Variants in UGT2B15 observed in about 807,000 individuals in gnomAD.
UGT2B15 encodes UDP glucuronosyltransferase family 2 member B15.
UGT2B15 carries 36 observed loss-of-function variants against 45.9 expected under a neutral mutation model. The ratio of observed to expected loss-of-function variants is 0.78; its 90% CI spans 0.60 to 1.04. The LOEUF (loss-of-function observed/expected upper bound fraction) is 1.04, where lower values mean the gene tolerates loss of function less well. Ranked by LOEUF, UGT2B15 falls within the 50% of genes least tolerant of loss-of-function variation. UGT2B15 has a pLI of 0.00. For synonymous variants in UGT2B15, 219 were observed against 216.4 expected (o/e 1.01, Z -0.11); for missense variants, 617 against 622.4 (o/e 0.99, Z 0.09).
rs769491202 is a variant in UGT2B15 at position 68,663,124 on chromosome 4, C to A, written c.889G>T (p.Val297Leu). Reference sequence around the variant, plus strand: ...ATACCATTTTCTCCAGAGCTCTGCACAAACTCTTCCATTTCCTGTGAAGAA... The same window carrying A: ...ATACCATTTTCTCCAGAGCTCTGCAAAAACTCTTCCATTTCCTGTGAAGAA... The part of the protein sequence containing the change: ...KPLPKEMEEF[V>L]QSSGENGIVV... Residue 297 changes from valine (V) to leucine (L), a missense_variant, in exon 3 of 6, where the codon GTG (valine) becomes TTG (leucine). Val to Leu is a conservative substitution (Grantham distance 32, BLOSUM62 1). Transcript: ENST00000338206. 5 of 1,573,796 alleles carry A rather than the reference C, an allele frequency of 3.2e-6. No homozygotes were observed. The highest frequency in any genetic ancestry group is 1.2e-5 in the South Asian group (1 of 86,542).
chr4:68,667,436 A>G (rs1733173463), intron 2 of UGT2B15, among the ~76,000 whole-genome samples: 1 of 152,028 alleles, frequency 6.6e-6, no homozygotes, highest in African/African-American at 2.4e-5. Flanking sequence ...TCTGCCTCCC[A>G]AAGTGCAGGG....
rs574134360 is a variant in UGT2B15 at position 68,658,592 on chromosome 4, T to G, written c.1006-3410A>C. ...TGTAATTTTTTAATAAATAAGACAT[T>G]GATATTGGTTTAATGAAAATAGCCA... On this transcript the variant is annotated intron_variant, in intron 3 of 5. Transcript: ENST00000338206. 2.5e-4 allele frequency among the ~76,000 whole-genome samples: 38 copies of G among 152,152 alleles called. No individual in the cohort carries two copies. In the South Asian group the frequency reaches 2.7e-3, roughly 11 times the overall value.
intron 5 of UGT2B15, among the ~76,000 whole-genome samples, chr4:68,653,723 TATC>T (rs1439596443): frequency 2.0e-5 from 3 of 152,030 alleles, no homozygotes; most frequent in African/African-American, 2.4e-5. Flanking sequence ...TGAATTGAAA[TATC>T]ATATTTCTCT....
chr4:68,670,276 CTTG>C lies in UGT2B15; in HGVS notation c.340_342del (p.Gln114del). 6.2e-7 allele frequency: 1 copy of C among 1,614,030 alleles called. No homozygotes were observed. The highest frequency in any genetic ancestry group is 8.5e-7 in the Non-Finnish European group (1 of 1,179,986). On this transcript the variant is annotated inframe_deletion, in exon 1 of 6. Transcript: ENST00000338206. ...TAGTCATAATATTCCCAACACAATT[CTTG>C]TAATTGTGAAAAATATGACCAAAAT...
intron 5 of UGT2B15, among the ~76,000 whole-genome samples, 196 bp from the exon 6 acceptor site, chr4:68,647,579 A>C (rs1464707048): frequency 6.6e-6 from 1 of 152,122 alleles, no homozygotes; most frequent in African/African-American, 2.4e-5. Flanking sequence ...ATCACTGACA[A>C]ATACCTTTAA....
chr4:68,659,888 T>C (rs1426306904), intron 3 of UGT2B15, among the ~76,000 whole-genome samples: 1 of 151,694 alleles, frequency 6.6e-6, no homozygotes, highest in Non-Finnish European at 1.5e-5. Context: ...ACTAAAGTAA[T>C]CTTTTAGACT....
intron 2 of UGT2B15, among the ~76,000 whole-genome samples, chr4:68,665,609 G>C (rs4148261): frequency 0.089 from 13,579 of 152,144 alleles, 812 homozygotes; most frequent in East Asian, 0.27. Context: ...TTTTTGGCAA[G>C]AGTCTTATTC....
At chr4:68,648,059 G>A (rs559591663) in intron 5 of UGT2B15, among the ~76,000 whole-genome samples, 1 of 152,004 alleles carries the variant, frequency 6.6e-6, no homozygotes, top group Admixed American at 6.6e-5. Flanking sequence ...TGACACAACT[G>A]GTGAAATGCC....
chr4:68,665,227 T>A (rs1459194348), intron 2 of UGT2B15, among the ~76,000 whole-genome samples: 1 of 152,202 alleles, frequency 6.6e-6, no homozygotes, highest in Non-Finnish European at 1.5e-5. Flanking sequence ...ATTCTATTTA[T>A]ATAACTCAAT....
chr4:68,655,022 G>A, intron 4 of UGT2B15, 73 bp downstream of exon 4: 1 of 1,502,534 alleles, frequency 6.7e-7, no homozygotes, highest in South Asian at 1.2e-5. Flanking sequence ...AAATATGTTT[G>A]TTTTATGTTG....
At chr4:68,658,325 C>G (rs1732869916) in intron 3 of UGT2B15, among the ~76,000 whole-genome samples, 2 of 151,872 alleles carry the variant, frequency 1.3e-5, no homozygotes, top group Non-Finnish European at 2.9e-5. Flanking sequence ...AAAGACTAGT[C>G]AAATGCTTTT....
intron 4 of UGT2B15, 47 bp from the exon 5 acceptor site, chr4:68,654,303 G>T (rs2109823734): frequency 6.3e-7 from 1 of 1,588,362 alleles, no homozygotes; most frequent in African/African-American, 1.3e-5. Flanking sequence ...CAAGGTATGA[G>T]AATTGAATAA....
In UGT2B15 at chr4:68,647,113, T is replaced by C. The variant is rs765074066; in HGVS notation, c.1584A>G (p.Lys528=). ...CAGGCTTTTGATATAACTAATCTCTTTTCTTCTTCTTTCCTTTTTTGGCAA... is the reference window on the plus strand; with the variant it reads ...CAGGCTTTTGATATAACTAATCTCTCTTCTTCTTCTTTCCTTTTTTGGCAA... ...RKLAKKGKKK[K]RD Residue 528 remains lysine, a synonymous_variant, in exon 6 of 6, where the codon AAA becomes AAG. Coordinates refer to ENST00000338206, the MANE Select transcript of UGT2B15 (RefSeq NM_001076.4). 1 of 1,613,192 alleles carries C rather than the reference T, an allele frequency of 6.2e-7. No homozygotes were observed. The highest frequency in any genetic ancestry group is 8.5e-7 in the Non-Finnish European group (1 of 1,179,402).
At chr4:68,655,365 T>C (rs1732774214) in intron 3 of UGT2B15, among the ~76,000 whole-genome samples, 183 bp from the exon 4 acceptor site, 1 of 152,142 alleles carries the variant, frequency 6.6e-6, no homozygotes, top group South Asian at 2.1e-4. Flanking sequence ...CCACGTTTAA[T>C]GTCGTTACTT....
At chr4:68,650,661 G>A (rs750733515) in intron 5 of UGT2B15, among the ~76,000 whole-genome samples, 3 of 151,988 alleles carry the variant, frequency 2.0e-5, no homozygotes, top group Non-Finnish European at 2.9e-5. Flanking sequence ...GGGTATATAC[G>A]AAGTAATGAG....
intron 5 of UGT2B15, among the ~76,000 whole-genome samples, chr4:68,649,511 C>T (rs1281137489): frequency 6.6e-6 from 1 of 151,708 alleles, no homozygotes; most frequent in African/African-American, 2.4e-5. Context: ...TAACTCCTGA[C>T]CTCATGTGAT....
chr4:68,655,296 A>G, intron 3 of UGT2B15, 114 bp from the exon 4 acceptor site: 2 of 1,333,168 alleles, frequency 1.5e-6, no homozygotes, highest in South Asian at 2.8e-5. Context: ...AGATGAAGAA[A>G]TAAGAAGAAG....
chr4:68,656,982 T>C (rs1171080934), intron 3 of UGT2B15, among the ~76,000 whole-genome samples: 2 of 151,676 alleles, frequency 1.3e-5, no homozygotes, highest in South Asian at 2.1e-4. Flanking sequence ...ACTGTTGCTA[T>C]TTTTTTCCTC....
At position 68,670,170 on chromosome 4, in the gene UGT2B15, A is replaced by G. The variant is rs760756710; in HGVS notation, c.449T>C (p.Leu150Pro). 2.5e-6 allele frequency: 4 copies of G among 1,613,998 alleles called. No individual in the cohort carries two copies. The African/African-American group carries it at 5.3e-5, about 22-fold the overall frequency. ...KLQESKFDVI[L>P]ADALNPCGEL... ...ACCACAGGGATTAAGGGCATCTGCC[A>G]GAATGACATCAAACTTTGACTCTTG... Residue 150 changes from leucine (L) to proline (P), a missense_variant, in exon 1 of 6, where the codon CTG becomes CCG. Leu to Pro is a moderately conservative substitution (Grantham distance 98). This residue lies in a region of UGT2B15 where 351 missense variants were observed against 342.1 expected (regional missense o/e 1.03). Coordinates refer to ENST00000338206, the MANE Select transcript of UGT2B15 (RefSeq NM_001076.4).
Sources: gnomAD v4.1 joint callset for allele counts (sites outside exome capture counted in the v4.1 genomes callset) on GRCh38, gnomAD v4.1.1 for gene constraint, gnomAD v4.1.1 regional missense constraint, MANE v1.5 for transcripts, NCBI Gene and HGNC (gene_info 2026-07-23, HGNC 2026-07-21) for gene names.